Variants in TCERG1L observed in about 807,000 individuals in gnomAD.
TCERG1L encodes the protein transcription elongation regulator 1 like, also known as transcription elongation regulator 1-like protein.
A neutral mutation model predicts 56.3 loss-of-function variants in TCERG1L; 37 were observed. The observed-to-expected ratio is 0.66, with a 90% confidence interval of 0.51 to 0.87. TCERG1L has a LOEUF of 0.87. Ranked by LOEUF, TCERG1L falls within the 40% of genes least tolerant of loss-of-function variation. The pLI, the probability that TCERG1L is intolerant of heterozygous loss-of-function variation, is 0.00. For synonymous variants in TCERG1L, 324 were observed against 326.3 expected, an observed-to-expected ratio of 0.99 and a Z score of 0.08; for missense variants, 799 against 774.2, an observed-to-expected ratio of 1.03 and a Z score of -0.38.
chr10:131,209,336 G>C (rs181031898), intron 4 of TCERG1L, among the ~76,000 whole-genome samples: 160 of 152,274 alleles, frequency 1.1e-3, no homozygotes, highest in African/African-American at 3.5e-3. Flanking sequence ...CCGAAGTCTG[G>C]AAAATCAAGA....
intron 6 of TCERG1L, among the ~76,000 whole-genome samples, chr10:131,155,160 A>C (rs898921313): frequency 1.3e-5 from 2 of 152,224 alleles, no homozygotes; most frequent in Admixed American, 1.3e-4. Context: ...GCACGGCACC[A>C]ACAACGGAGG....
chr10:131,251,163 AG>A (rs1241574484), intron 4 of TCERG1L, among the ~76,000 whole-genome samples: 1 of 152,160 alleles, frequency 6.6e-6, no homozygotes, highest in Non-Finnish European at 1.5e-5. Context: ...CAGAGGTGTC[AG>A]ATTCCACACT....
Position 131,309,217 on chromosome 10 carries a change from C to G in TCERG1L, c.425G>C (p.Cys142Ser). 1 of 1,609,712 alleles carries G rather than the reference C, an allele frequency of 6.2e-7. No individual in the cohort carries two copies. Among genetic ancestry groups the G allele is most frequent in the Non-Finnish European group, 8.5e-7 (1 of 1,178,498 alleles). The stretch of plus-strand genomic sequence containing the variant: ...AATAGGGGTTGCAAGAGCAGAAGGG[C>G]AGAGATGTGGGAAGACGGGCACCAG... ...VELVPVFPHL[C>S]PSALATPIGK... Residue 142 changes from cysteine (C) to serine (S), a missense_variant, in exon 2 of 12, where the codon TGC becomes TCC. Transcript: ENST00000368642.
At chr10:131,203,768 T>C (rs979013467) in intron 4 of TCERG1L, among the ~76,000 whole-genome samples, 3 of 152,170 alleles carry the variant, frequency 2.0e-5, no homozygotes, top group Non-Finnish European at 4.4e-5. Flanking sequence ...GCGCTAGCCC[T>C]GGGGGCAGCC....
intron 4 of TCERG1L, among the ~76,000 whole-genome samples, chr10:131,199,106 C>G (rs1383311306): frequency 6.6e-6 from 1 of 152,200 alleles, no homozygotes; most frequent in Non-Finnish European, 1.5e-5. Context: ...GCTCTCTGGG[C>G]CTGTGAAGGA....
At chr10:131,220,110 C>T (rs547761427) in intron 4 of TCERG1L, among the ~76,000 whole-genome samples, 1 of 152,328 alleles carries the variant, frequency 6.6e-6, no homozygotes, top group South Asian at 2.1e-4. Flanking sequence ...CCCGCATGGC[C>T]TTTCAGAGCC....
In TCERG1L at chr10:131,092,989, GAGAGCTTCA is replaced by G; in HGVS notation, c.*164_*172del. The G allele has an allele frequency of 1.7e-6, 1 of 590,456 alleles. No individual in the cohort carries two copies. The highest frequency in any genetic ancestry group is 2.9e-5 in the East Asian group (1 of 34,614). 36.6% of individuals were successfully genotyped at this position (590,456 alleles called of 1,614,324 possible). A position where few individuals can be genotyped will look rare whatever the true frequency, so the allele number is the denominator to read the frequency against. Reference sequence around the variant, plus strand: ...CATCAAACTCTGAATGTACAAAAGAGAGAGCTTCAATATGAAACAGTAATCCTCTGAGAA... The same window carrying G: ...CATCAAACTCTGAATGTACAAAAGAGATATGAAACAGTAATCCTCTGAGAA... On this transcript the variant is annotated 3_prime_UTR_variant, in exon 12 of 12. Coordinates refer to ENST00000368642, the MANE Select transcript of TCERG1L (RefSeq NM_174937.4).
At chr10:131,134,761 G>A (rs1014735034) in intron 7 of TCERG1L, among the ~76,000 whole-genome samples, 4 of 152,168 alleles carry the variant, frequency 2.6e-5, no homozygotes, top group African/African-American at 9.7e-5. Context: ...CTCAAGACGA[G>A]GCCTGGGAAT....
intron 4 of TCERG1L, among the ~76,000 whole-genome samples, chr10:131,194,277 C>G (rs1249126167): frequency 6.6e-6 from 1 of 152,242 alleles, no homozygotes; most frequent in Non-Finnish European, 1.5e-5. Context: ...ACTCGCTGCC[C>G]CGAGGAACTT....
At chr10:131,172,763 C>T (rs1419339941) in intron 4 of TCERG1L, among the ~76,000 whole-genome samples, 1 of 152,174 alleles carries the variant, frequency 6.6e-6, no homozygotes, top group Non-Finnish European at 1.5e-5. Flanking sequence ...CCGGGAGTCA[C>T]TGGAGCCCTG....
At chr10:131,197,495 A>ATTT (rs35344621) in intron 4 of TCERG1L, among the ~76,000 whole-genome samples, 4 of 150,726 alleles carry the variant, frequency 2.7e-5, no homozygotes, top group African/African-American at 9.8e-5. Context: ...TTTCTCCTCC[A>ATTT]TTTTTTTTTC....
At chr10:131,107,977 A>ACACG (rs1349259201) in intron 9 of TCERG1L, among the ~76,000 whole-genome samples, 2 of 151,804 alleles carry the variant, frequency 1.3e-5, no homozygotes, top group Non-Finnish European at 2.9e-5. Flanking sequence ...ACACACACAC[A>ACACG]CACACACACA....
chr10:131,121,902 C>T (rs1375633110), intron 8 of TCERG1L, among the ~76,000 whole-genome samples: 1 of 152,184 alleles, frequency 6.6e-6, no homozygotes, highest in Admixed American at 6.5e-5. Context: ...CTTGTCTCAG[C>T]CTGCAGGTAC....
intron 3 of TCERG1L, among the ~76,000 whole-genome samples, chr10:131,296,689 C>T (rs1343977930): frequency 6.6e-6 from 1 of 152,202 alleles, no homozygotes; most frequent in Non-Finnish European, 1.5e-5. Context: ...TTGCATTAAA[C>T]ATGTAGCTTA....
At chr10:131,130,390 A>T (rs1379397288) in intron 8 of TCERG1L, among the ~76,000 whole-genome samples, 2 of 152,186 alleles carry the variant, frequency 1.3e-5, no homozygotes, top group African/African-American at 4.8e-5. Flanking sequence ...ACCATATCAC[A>T]TAGGGATTAC....
intron 4 of TCERG1L, among the ~76,000 whole-genome samples, chr10:131,168,179 T>C (rs1054116347): frequency 1.3e-5 from 2 of 152,208 alleles, no homozygotes; most frequent in Admixed American, 1.3e-4. Context: ...GGTGCGTATA[T>C]GCACACACAC....
intron 6 of TCERG1L, among the ~76,000 whole-genome samples, chr10:131,157,663 C>T (rs1004797826): frequency 6.6e-6 from 1 of 152,026 alleles, no homozygotes; most frequent in African/African-American, 2.4e-5. Flanking sequence ...GTTAACATGC[C>T]TAAAAGTTTA....
Position 131,098,297 on chromosome 10 carries a change from T to G in TCERG1L, c.1604+9A>C. On this transcript the variant is annotated intron_variant, in intron 11 of 11. Transcript: ENST00000368642. ...CCAGAAATCATCCGGTATATTTCTC[T>G]CTCCATACCTGGGAGACACTTTAGA... The G allele has an allele frequency of 6.5e-7, 1 of 1,549,506 alleles. No individual in the cohort carries two copies. The highest frequency in any genetic ancestry group is 8.7e-7 in the Non-Finnish European group (1 of 1,146,702).
At chr10:131,178,551 G>A (rs1845136599) in intron 4 of TCERG1L, among the ~76,000 whole-genome samples, 1 of 152,172 alleles carries the variant, frequency 6.6e-6, no homozygotes. Flanking sequence ...CTGTCTGTCT[G>A]TCCTCAGGGC....
Sources: gnomAD v4.1 joint callset for allele counts (sites outside exome capture counted in the v4.1 genomes callset) on GRCh38, gnomAD v4.1.1 for gene constraint, MANE v1.5 for transcripts, NCBI Gene and HGNC (gene_info 2026-07-23, HGNC 2026-07-21) for gene names.